The following RARS1 variants were observed in gnomAD, a reference collection of about 807,000 sequenced individuals.
The protein encoded by RARS1 is arginyl-tRNA synthetase 1.
RARS1 carries 75 observed loss-of-function variants against 78.7 expected under a neutral mutation model. The ratio of observed to expected loss-of-function variants is 0.95; its 90% CI spans 0.79 to 1.15. The LOEUF (loss-of-function observed/expected upper bound fraction) is 1.15. Among genes scored for constraint, RARS1 ranks in the 50% most tolerant of loss-of-function variants. RARS1 has a pLI of 0.00. For missense variants in RARS1, 787 were observed against 787.5 expected, an observed-to-expected ratio of 1.00 and a Z score of 0.01; for synonymous variants, 273 against 268.2, an observed-to-expected ratio of 1.02 and a Z score of -0.18.
intron 9 of RARS1, among the ~76,000 whole-genome samples, chr5:168,502,519 TTTC>T (rs1199572771): frequency 2.7e-5 from 4 of 149,666 alleles, no homozygotes; most frequent in African/African-American, 9.8e-5. Flanking sequence ...CCAATAATAA[TTTC>T]TTAATACCAT....
chr5:168,491,955 T>A (rs1408466186), intron 2 of RARS1, among the ~76,000 whole-genome samples: 1 of 148,828 alleles, frequency 6.7e-6, no homozygotes, highest in Admixed American at 6.7e-5. Context: ...CCTTTTTTTT[T>A]TTTTTTTTTT....
intron 9 of RARS1, among the ~76,000 whole-genome samples, chr5:168,505,242 AT>A (rs1487648838): frequency 6.6e-6 from 1 of 150,494 alleles, no homozygotes; most frequent in African/African-American, 2.5e-5. Flanking sequence ...TGAAGGTTAA[AT>A]TTAAGGACTT....
At chr5:168,512,319 G>C (rs1419204174) in intron 12 of RARS1, among the ~76,000 whole-genome samples, 1 of 152,092 alleles carries the variant, frequency 6.6e-6, no homozygotes, top group African/African-American at 2.4e-5. Context: ...AGGTACATGT[G>C]CTTTTTCTTT....
At chr5:168,491,137 A>C (rs973769624) in intron 2 of RARS1, among the ~76,000 whole-genome samples, 4 of 152,214 alleles carry the variant, frequency 2.6e-5, no homozygotes, top group African/African-American at 4.8e-5. Flanking sequence ...ACCCGGTCCC[A>C]AAAAAATAAA....
chr5:168,495,083 A>G, intron 5 of RARS1: 1 of 656,180 alleles, frequency 1.5e-6, no homozygotes, highest in Middle Eastern at 5.1e-4. Context: ...TAGAATGGAT[A>G]ATTTGTATAC....
At chr5:168,487,745 G>A (rs1349600348) in intron 1 of RARS1, among the ~76,000 whole-genome samples, 2 of 152,196 alleles carry the variant, frequency 1.3e-5, no homozygotes, top group African/African-American at 2.4e-5. Flanking sequence ...GTTTAAGTTG[G>A]AAGCTTTATT....
At chr5:168,517,103 C>T (rs1307709950) in intron 13 of RARS1, among the ~76,000 whole-genome samples, 153 bp downstream of exon 13, 1 of 151,866 alleles carries the variant, frequency 6.6e-6, no homozygotes, top group African/African-American at 2.4e-5. Flanking sequence ...GGATTACTGA[C>T]ATACCACCAT....
chr5:168,493,829 G>C, intron 3 of RARS1, 65 bp from the exon 4 acceptor site: 2 of 1,261,676 alleles, frequency 1.6e-6, no homozygotes, highest in East Asian at 4.7e-5. Flanking sequence ...GCCTTGTCAG[G>C]TGTGCATTTG....
chr5:168,513,958 C>T (rs1196603474), intron 12 of RARS1, among the ~76,000 whole-genome samples: 3 of 152,104 alleles, frequency 2.0e-5, no homozygotes, highest in Non-Finnish European at 4.4e-5. Context: ...TGTTTTCTTT[C>T]AGCATTTTTA....
At chr5:168,508,902 A>C (rs1483252631) in intron 11 of RARS1, among the ~76,000 whole-genome samples, 1 of 152,152 alleles carries the variant, frequency 6.6e-6, no homozygotes, top group Non-Finnish European at 1.5e-5. Context: ...TCTAGAGCAG[A>C]GCAGTTTCCT....
At chr5:168,508,216 T>A (rs1758489156) in intron 11 of RARS1, among the ~76,000 whole-genome samples, 1 of 152,234 alleles carries the variant, frequency 6.6e-6, no homozygotes, top group South Asian at 2.1e-4. Flanking sequence ...TTATGGCATT[T>A]AATTCACTTG....
intron 8 of RARS1, among the ~76,000 whole-genome samples, chr5:168,501,589 G>A (rs1434224612): frequency 1.3e-5 from 2 of 152,202 alleles, no homozygotes; most frequent in Non-Finnish European, 2.9e-5. Context: ...CGGGCGTGGT[G>A]GCACACGCCT....
At chr5:168,493,633 CAAAAAAAAAA>C (rs35001933) in intron 3 of RARS1, among the ~76,000 whole-genome samples, 6 of 78,242 alleles carry the variant, frequency 7.7e-5, no homozygotes, top group Admixed American at 6.6e-4. Flanking sequence ...GACTCCATCT[CAAAAAAAAAA>C]AAAAAAAAAA....
intron 12 of RARS1, among the ~76,000 whole-genome samples, chr5:168,516,067 G>A (rs1758660399): frequency 6.6e-6 from 1 of 151,904 alleles, no homozygotes; most frequent in Non-Finnish European, 1.5e-5. Flanking sequence ...AATGCCCTTG[G>A]GGAAAAAGCC....
intron 2 of RARS1, among the ~76,000 whole-genome samples, chr5:168,489,065 G>A (rs1758026166): frequency 6.6e-6 from 1 of 152,060 alleles, no homozygotes; most frequent in Non-Finnish European, 1.5e-5. Context: ...CTGTCACTCA[G>A]GCCAGAGTGT....
chr5:168,519,088 A>G lies in RARS1; in HGVS notation c.1881A>G (p.Ile627Met), dbSNP rs762033565. Residue 627 changes from isoleucine to methionine, a missense_variant, in exon 15 of 15, where the codon ATA becomes ATG. Coordinates refer to ENST00000231572, the MANE Select transcript of RARS1 (RefSeq NM_002887.4). ...CVEKDRQTGKILKVNMWRMLL... is the reference protein window; with the variant it reads ...CVEKDRQTGKMLKVNMWRMLL... ...TTTTTTCTATCTTTTCAGGAAAAAT[A>G]TTGAAGGTGAACATGTGGCGTATGC... The G allele has an allele frequency of 7.0e-5, 113 of 1,606,338 alleles. No homozygotes were observed. In the Admixed American group the frequency reaches 1.9e-3, roughly 27 times the overall value.
chr5:168,494,168 C>T (rs1188809581), intron 4 of RARS1, 166 bp downstream of exon 4: 19 of 891,088 alleles, frequency 2.1e-5, no homozygotes, highest in Non-Finnish European at 2.6e-5. Flanking sequence ...AATCTAGACT[C>T]AGCTACCACT....
chr5:168,490,952 C>G (rs902509072), intron 2 of RARS1, among the ~76,000 whole-genome samples: 8 of 151,966 alleles, frequency 5.3e-5, no homozygotes, highest in African/African-American at 1.7e-4. Context: ...GCCCAGCCAA[C>G]ATGGCAAAAC....
intron 11 of RARS1, 83 bp from the exon 12 acceptor site, chr5:168,510,498 A>G: frequency 1.0e-6 from 1 of 968,124 alleles, no homozygotes; most frequent in Non-Finnish European, 1.6e-6. Flanking sequence ...TTTTGTGGTC[A>G]GGTCTCTCAA....
Sources: allele counts gnomAD v4.1 joint callset (sites outside exome capture counted in the v4.1 genomes callset), GRCh38; gene constraint gnomAD v4.1.1; transcripts MANE v1.5; gene names NCBI Gene and HGNC (gene_info 2026-07-23, HGNC 2026-07-21).